Variants in NUDCD1 observed in about 807,000 individuals in gnomAD.
The protein encoded by NUDCD1 is NudC domain containing 1.
Under a neutral mutation model 67.8 loss-of-function variants are expected in NUDCD1, and 60 were observed. The observed-to-expected ratio is 0.88, with a 90% CI of 0.72 to 1.10. The LOEUF is 1.10. Among genes scored for constraint, NUDCD1 ranks in the 50% least tolerant of loss-of-function variants. NUDCD1 has a pLI of 0.00. For synonymous variants in NUDCD1, 244 were observed against 230.8 expected (o/e 1.06, Z -0.52); for missense variants, 643 against 695.0 (o/e 0.93, Z 0.84).
At chr8:109,285,006 CA>C (rs35853412) in intron 5 of NUDCD1, among the ~76,000 whole-genome samples, 95,384 of 148,212 alleles carry the variant, frequency 0.64, 31,958 homozygotes, top group African/African-American at 0.85. Flanking sequence ...CACAGAAATA[CA>C]AAAAAAAAAC....
At chr8:109,246,385 C>T (rs1485796321) in intron 8 of NUDCD1, among the ~76,000 whole-genome samples, 1 of 152,144 alleles carries the variant, frequency 6.6e-6, no homozygotes, top group East Asian at 1.9e-4. Context: ...AAAGAACAGG[C>T]TTGGAGAGTT....
chr8:109,332,712 AC>A (rs781575989), intron 1 of NUDCD1, among the ~76,000 whole-genome samples: 8 of 152,170 alleles, frequency 5.3e-5, no homozygotes, highest in Non-Finnish European at 4.4e-5. Context: ...TTTCTAATGC[AC>A]TAACTAAACA....
chr8:109,297,208 T>A (rs936739339), intron 2 of NUDCD1, among the ~76,000 whole-genome samples: 5 of 152,236 alleles, frequency 3.3e-5, no homozygotes, highest in African/African-American at 1.2e-4. Context: ...TCAGTATTTT[T>A]AACTCACTAG....
intron 8 of NUDCD1, among the ~76,000 whole-genome samples, chr8:109,253,498 T>A (rs1425713507): frequency 6.6e-6 from 1 of 152,228 alleles, no homozygotes; most frequent in Non-Finnish European, 1.5e-5. Flanking sequence ...TGCCAGTGAA[T>A]TTGTTTCCAA....
At chr8:109,298,932 G>A (rs1302263186) in intron 2 of NUDCD1, 2 of 152,316 alleles carry the variant, frequency 1.3e-5, no homozygotes, top group African/African-American at 4.8e-5. Context: ...CAAATACTGT[G>A]AGTACCCAAA....
chr8:109,258,876 A>G lies in NUDCD1; in HGVS notation c.1299+12129T>C, dbSNP rs62512100. On this transcript the variant is annotated intron_variant, in intron 8 of 9. Coordinates refer to ENST00000239690, the MANE Select transcript of NUDCD1 (RefSeq NM_032869.4). ...AAAAAGGAATTAAAGACTTCTGCAC[A>G]TAAGTCCATCATAGGTAATAATAAT... 3.5e-3 allele frequency among the ~76,000 whole-genome samples: 534 copies of G among 152,338 alleles called. 2 individuals are homozygous for G. The highest frequency in any genetic ancestry group is 6.2e-3 in the Non-Finnish European group (420 of 68,030).
chr8:109,273,192 TATTA>T (rs2129958571), intron 7 of NUDCD1, among the ~76,000 whole-genome samples: 1 of 134,602 alleles, frequency 7.4e-6, no homozygotes, highest in South Asian at 2.7e-4. Flanking sequence ...GAGTTTGGGG[TATTA>T]AAGTGCTTGG....
intron 8 of NUDCD1, among the ~76,000 whole-genome samples, chr8:109,247,298 T>C (rs768582288): frequency 1.3e-5 from 2 of 152,178 alleles, no homozygotes; most frequent in Non-Finnish European, 2.9e-5. Flanking sequence ...AACAATATTT[T>C]CACAACAATA....
intron 8 of NUDCD1, among the ~76,000 whole-genome samples, chr8:109,270,522 C>T (rs550532074): frequency 1.3e-5 from 2 of 151,866 alleles, no homozygotes; most frequent in South Asian, 4.2e-4. Flanking sequence ...GATAAATATC[C>T]CTGGAAATAG....
intron 8 of NUDCD1, among the ~76,000 whole-genome samples, chr8:109,268,172 T>C (rs1814048165): frequency 6.6e-6 from 1 of 152,176 alleles, no homozygotes; most frequent in African/African-American, 2.4e-5. Context: ...ACTGAGAAGA[T>C]CCACTGCTAT....
rs559049283 is a variant in NUDCD1 at position 109,292,812 on chromosome 8, A to AG, written c.640+531dup. On this transcript the variant is annotated intron_variant, in intron 4 of 9. Coordinates refer to ENST00000239690, the MANE Select transcript of NUDCD1 (RefSeq NM_032869.4). ...GACAGCTTCAAACAGACCAAAGTTC[A>AG]GGACTATTCTAAACATGGGAGCACA... 5.5e-4 allele frequency among the ~76,000 whole-genome samples: 84 copies of AG among 152,262 alleles called. 2 individuals are homozygous for AG. The South Asian group carries it at 8.9e-3, about 16-fold the overall frequency.
chr8:109,269,976 T>C (rs1814099911), intron 8 of NUDCD1, among the ~76,000 whole-genome samples: 1 of 144,100 alleles, frequency 6.9e-6, no homozygotes, highest in Admixed American at 7.0e-5. Flanking sequence ...CTACATCTAC[T>C]GCACCAAGCC....
At chr8:109,246,867 G>C in intron 8 of NUDCD1, among the ~76,000 whole-genome samples, 1 of 152,140 alleles carries the variant, frequency 6.6e-6, no homozygotes. Context: ...AATTCAACAG[G>C]GAAAGCTGTG....
At chr8:109,257,778 T>C (rs1813772033) in intron 8 of NUDCD1, among the ~76,000 whole-genome samples, 2 of 152,124 alleles carry the variant, frequency 1.3e-5, no homozygotes. Flanking sequence ...CAGTCTTTGT[T>C]AAAATTATTA....
intron 9 of NUDCD1, 71 bp downstream of exon 9, chr8:109,245,248 AAAG>A (rs1813465218): frequency 7.0e-7 from 1 of 1,432,210 alleles, no homozygotes; most frequent in Admixed American, 2.1e-5. Flanking sequence ...AAAAGAAAAA[AAAG>A]AAATGAACTT....
chr8:109,328,308 C>T (rs1365860157), intron 1 of NUDCD1, among the ~76,000 whole-genome samples: 2 of 152,154 alleles, frequency 1.3e-5, no homozygotes, highest in Non-Finnish European at 2.9e-5. Context: ...ACCAGCTTTT[C>T]TTCCCCCTTC....
intron 2 of NUDCD1, among the ~76,000 whole-genome samples, chr8:109,311,090 A>G (rs1815237215): frequency 1.3e-5 from 2 of 152,168 alleles, no homozygotes; most frequent in African/African-American, 2.4e-5. Context: ...CTGGGATTAC[A>G]GGCATAAGCC....
At chr8:109,253,043 T>C (rs894106409) in intron 8 of NUDCD1, among the ~76,000 whole-genome samples, 1 of 152,214 alleles carries the variant, frequency 6.6e-6, no homozygotes, top group African/African-American at 2.4e-5. Context: ...AGGAACCCAC[T>C]TCCCTGGCTT....
chr8:109,242,667 G>C lies in NUDCD1; in HGVS notation c.*342C>G, dbSNP rs1586242178. On this transcript the variant is annotated 3_prime_UTR_variant, in exon 10 of 10. Coordinates refer to ENST00000239690, the MANE Select transcript of NUDCD1 (RefSeq NM_032869.4). ...GTACAGCCTGTAGCAACTAATCAAC[G>C]AACAGAGTACACAATAAATATTTTT... 5.7e-6 allele frequency: 1 copy of C among 174,950 alleles called. No homozygotes were observed. The highest frequency in any genetic ancestry group is 1.2e-5 in the Non-Finnish European group (1 of 81,428). 10.8% of individuals were successfully genotyped at this position (174,950 alleles called of 1,614,324 possible).
Sources: allele counts gnomAD v4.1 joint callset (sites outside exome capture counted in the v4.1 genomes callset), GRCh38; gene constraint gnomAD v4.1.1; transcripts MANE v1.5; gene names NCBI Gene and HGNC (gene_info 2026-07-23, HGNC 2026-07-21).